SHISA9: variants seen among roughly 807,000 people sequenced by gnomAD.
SHISA9 encodes shisa family member 9.
SHISA9 carries 13 observed loss-of-function variants against 38.0 expected under a neutral mutation model. That is an observed-to-expected ratio of 0.34 (90% CI 0.22 to 0.54). The LOEUF (loss-of-function observed/expected upper bound fraction) is 0.54, where lower values mean the gene tolerates loss of function less well. Ranked by LOEUF, SHISA9 falls within the 20% of genes least tolerant of loss-of-function variation. SHISA9 has a pLI of 0.91. For missense variants in SHISA9, 538 were observed against 575.8 expected (o/e 0.93, Z 0.67); for synonymous variants, 275 against 242.0 (o/e 1.14, Z -1.27).
intron 2 of SHISA9, among the ~76,000 whole-genome samples, chr16:13,156,248 A>G (rs1256384280): frequency 6.6e-6 from 1 of 152,178 alleles, no homozygotes; most frequent in African/African-American, 2.4e-5. Context: ...AGCCATATAC[A>G]TGGGTGTAAC....
Position 13,127,515 on chromosome 16 carries a change from G to C in SHISA9, c.692-75879G>C, listed in dbSNP as rs116830779. ...AGAGAGAAAACAAGAAAAGGATAGA[G>C]AATAAAGGAAGAAAAGTAAAGAGAA... On this transcript the variant is annotated intron_variant, in intron 2 of 4. Transcript: ENST00000558583. Among the ~76,000 whole-genome samples the C allele has an allele frequency of 3.8e-3, 579 of 151,928 alleles. 7 individuals carry two copies. Among genetic ancestry groups the C allele is most frequent in the African/African-American group, 0.013 (549 of 41,422 alleles).
intron 2 of SHISA9, among the ~76,000 whole-genome samples, chr16:12,952,009 G>A (rs1026128814): frequency 2.4e-4 from 37 of 152,222 alleles, no homozygotes; most frequent in African/African-American, 8.9e-4. Context: ...TGTGCAACTG[G>A]TCTACCCTGG....
At chr16:13,099,932 T>C (rs955602622) in intron 2 of SHISA9, among the ~76,000 whole-genome samples, 3 of 152,216 alleles carry the variant, frequency 2.0e-5, no homozygotes, top group African/African-American at 7.2e-5. Flanking sequence ...CTGAGCCTTT[T>C]GTCCCTGAAT....
At chr16:13,375,703 A>G in the SHISA9 span, among the ~76,000 whole-genome samples, 1 of 152,234 alleles carries the variant, frequency 6.6e-6, no homozygotes, top group East Asian at 1.9e-4. Context: ...AACTTAAGAA[A>G]TTAAGAAAAG....
intron 2 of SHISA9, among the ~76,000 whole-genome samples, chr16:12,985,877 G>C (rs557394475): frequency 6.6e-6 from 1 of 152,168 alleles, no homozygotes; most frequent in Admixed American, 6.6e-5. Context: ...CTAAGAGTTT[G>C]TATCCTGCTT....
At chr16:13,199,097 G>GT (rs2050978910) in intron 2 of SHISA9, among the ~76,000 whole-genome samples, 1 of 152,178 alleles carries the variant, frequency 6.6e-6, no homozygotes, top group African/African-American at 2.4e-5. Context: ...TTAACGAAGT[G>GT]TTTAGTATTT....
At chr16:13,261,740 T>C in the SHISA9 span, among the ~76,000 whole-genome samples, 1 of 152,186 alleles carries the variant, frequency 6.6e-6, no homozygotes, top group Non-Finnish European at 1.5e-5. Context: ...GGGTACATCA[T>C]CATAAACACT....
intron 2 of SHISA9, among the ~76,000 whole-genome samples, chr16:13,015,432 A>C (rs1056292604): frequency 2.0e-5 from 3 of 152,238 alleles, no homozygotes; most frequent in African/African-American, 7.2e-5. Flanking sequence ...GATGTTAAAC[A>C]ATTTGCCCAA....
At chr16:13,364,564 G>C in the SHISA9 span, among the ~76,000 whole-genome samples, 1 of 152,106 alleles carries the variant, frequency 6.6e-6, no homozygotes, top group Non-Finnish European at 1.5e-5. Flanking sequence ...ATATTAAACA[G>C]ACAATGCCCA....
chr16:13,434,345 A>G, the SHISA9 span, among the ~76,000 whole-genome samples: 1 of 151,846 alleles, frequency 6.6e-6, no homozygotes, highest in East Asian at 1.9e-4. Context: ...GCACCCAGGA[A>G]CAATACTTTG....
the SHISA9 span, among the ~76,000 whole-genome samples, chr16:13,457,006 A>C: frequency 1.3e-5 from 2 of 152,228 alleles, no homozygotes; most frequent in Non-Finnish European, 2.9e-5. Context: ...AATAAACTGT[A>C]ACTGTAACAG....
chr16:13,442,316 A>ATTT, the SHISA9 span, among the ~76,000 whole-genome samples: 49 of 150,906 alleles, frequency 3.2e-4, no homozygotes, highest in Admixed American at 1.2e-3. Flanking sequence ...CAAGGAAACA[A>ATTT]TTTTTTTTTT....
chr16:13,510,324 A>C, the SHISA9 span, among the ~76,000 whole-genome samples: 1 of 152,164 alleles, frequency 6.6e-6, no homozygotes, highest in Admixed American at 6.6e-5. Context: ...ACAAACAAAC[A>C]AACTGAGGCT....
chr16:13,224,463 G>A (rs1013561764), intron 4 of SHISA9, among the ~76,000 whole-genome samples: 3 of 152,232 alleles, frequency 2.0e-5, no homozygotes, highest in African/African-American at 7.2e-5. Context: ...ACCAGGAGAT[G>A]TAATATCCTG....
At chr16:13,121,464 C>T (rs574350266) in intron 2 of SHISA9, among the ~76,000 whole-genome samples, 110 of 152,226 alleles carry the variant, frequency 7.2e-4, no homozygotes, top group South Asian at 1.4e-3. Context: ...TGTGCTTCAG[C>T]TTGAGTGGCA....
chr16:12,989,021 A>G (rs16960950), intron 2 of SHISA9, among the ~76,000 whole-genome samples: 28,039 of 152,024 alleles, frequency 0.18, 2,961 homozygotes, highest in African/African-American at 0.27. Flanking sequence ...AGATGGAGCC[A>G]CAGCAGCTCA....
the SHISA9 span, among the ~76,000 whole-genome samples, chr16:13,522,061 A>C: frequency 1.3e-5 from 2 of 152,144 alleles, no homozygotes; most frequent in East Asian, 3.9e-4. Context: ...CTTCCCGGGA[A>C]GTTCGAATTC....
the SHISA9 span, among the ~76,000 whole-genome samples, chr16:13,352,390 C>G: frequency 6.6e-6 from 1 of 152,100 alleles, no homozygotes; most frequent in African/African-American, 2.4e-5. Context: ...CAATGAAGTT[C>G]AAGTCAACAG....
chr16:12,967,853 CA>C (rs2141803076), intron 2 of SHISA9, among the ~76,000 whole-genome samples: 2 of 152,162 alleles, frequency 1.3e-5, no homozygotes, highest in South Asian at 4.1e-4. Flanking sequence ...CAGTGATTCT[CA>C]AACTTGTCTG....
Sources: allele counts gnomAD v4.1 joint callset (sites outside exome capture counted in the v4.1 genomes callset), GRCh38; gene constraint gnomAD v4.1.1; transcripts MANE v1.5; gene names NCBI Gene and HGNC (gene_info 2026-07-23, HGNC 2026-07-21).